The following RYR2 variants were observed in gnomAD, a reference collection of about 807,000 sequenced individuals.
RYR2 encodes the protein ryanodine receptor 2, also known as cardiac muscle ryanodine receptor-calcium release channel.
RYR2 carries 227 observed loss-of-function variants against 601.1 expected under a neutral mutation model. The observed-to-expected ratio is 0.38, with a 90% confidence interval of 0.34 to 0.42. RYR2 has a LOEUF of 0.42. RYR2 is among the 10% of genes least tolerant of loss of function. The pLI is 1.00. For missense variants in RYR2, 4,646 were observed against 6,156.5 expected (o/e 0.75, Z 8.21); for synonymous variants, 2,223 against 2,175.1 (o/e 1.02, Z -0.61).
chr1:237,336,339 CA>C (rs1038703262), intron 3 of RYR2, among the ~76,000 whole-genome samples: 3 of 152,078 alleles, frequency 2.0e-5, no homozygotes, highest in African/African-American at 7.2e-5. Context: ...GAAGACAATC[CA>C]AAACATGTCC....
chr1:237,767,935 A>C (rs1368136003), intron 84 of RYR2, among the ~76,000 whole-genome samples: 4 of 152,164 alleles, frequency 2.6e-5, no homozygotes, highest in Non-Finnish European at 5.9e-5. Flanking sequence ...TAATGTGGCC[A>C]GTCCTATGCT....
intron 1 of RYR2, among the ~76,000 whole-genome samples, chr1:237,087,724 C>G (rs1168593088): frequency 6.6e-6 from 1 of 152,200 alleles, no homozygotes; most frequent in Non-Finnish European, 1.5e-5. Flanking sequence ...CTCTTGGTGT[C>G]TGGGTGGCCA....
At position 237,101,954 on chromosome 1, in the gene RYR2, G is replaced by C. The variant is rs75182447; in HGVS notation, c.48+59385G>C. On this transcript the variant is annotated intron_variant, in intron 1 of 104. Coordinates refer to ENST00000366574, the MANE Select transcript of RYR2 (RefSeq NM_001035.3). ...TTTAAAGTGTATTCGTAAAACGTGA[G>C]TTAATAATGTGGCATCAAATGAGTG... 5.1e-4 allele frequency among the ~76,000 whole-genome samples: 78 copies of C among 152,362 alleles called. No homozygotes were observed. The East Asian group carries it at 0.014, about 27-fold the overall frequency.
intron 63 of RYR2, among the ~76,000 whole-genome samples, chr1:237,693,222 T>C (rs1687105552): frequency 6.6e-6 from 1 of 151,812 alleles, no homozygotes; most frequent in Non-Finnish European, 1.5e-5. Flanking sequence ...TTTTTTTTTT[T>C]CTCTTATTCC....
In RYR2 at chr1:237,798,140, A is replaced by C. The variant is rs1483388809; in HGVS notation, c.14060A>C (p.Lys4687Thr). 1 of 1,612,444 alleles carries C rather than the reference A, an allele frequency of 6.2e-7. No homozygotes were observed. ...LDFSDAREKKKPKKDSSLSAV... is the reference protein window; with the variant it reads ...LDFSDAREKKTPKKDSSLSAV... ...TTCAGTGATGCCAGAGAAAAGAAGA[A>C]GCCAAAGAAAGACAGCTCCTTATCA... Residue 4687 changes from lysine (K) to threonine (T), a missense_variant, in exon 97 of 105, where the codon AAG (lysine) becomes ACG (threonine). By Grantham distance (78) the Lys-to-Thr change is moderately conservative. This residue lies in a region of RYR2 where 76 missense variants were observed against 97.4 expected (regional missense o/e 0.78). Transcript: ENST00000366574.
intron 54 of RYR2, among the ~76,000 whole-genome samples, chr1:237,659,157 T>C (rs1683533208): frequency 6.6e-6 from 1 of 152,206 alleles, no homozygotes; most frequent in Admixed American, 6.5e-5. Context: ...GGAGATGTCA[T>C]GTTGAGTTTC....
intron 1 of RYR2, among the ~76,000 whole-genome samples, chr1:237,060,731 G>A (rs1452172216): frequency 6.6e-6 from 1 of 152,142 alleles, no homozygotes; most frequent in Non-Finnish European, 1.5e-5. Flanking sequence ...CATCCATGTT[G>A]TAGCTCCTGG....
intron 84 of RYR2, among the ~76,000 whole-genome samples, chr1:237,768,045 C>A (rs952959426): frequency 5.9e-5 from 9 of 152,086 alleles, no homozygotes; most frequent in African/African-American, 1.4e-4. Flanking sequence ...TCCTAATTCA[C>A]CAATTGTAGG....
At chr1:237,313,554 C>T (rs1010297834) in intron 2 of RYR2, among the ~76,000 whole-genome samples, 1 of 152,162 alleles carries the variant, frequency 6.6e-6, no homozygotes, top group Non-Finnish European at 1.5e-5. Context: ...AACAGATTCT[C>T]CCTGGCGAGC....
chr1:237,072,957 A>C (rs556233500), intron 1 of RYR2, among the ~76,000 whole-genome samples: 33 of 151,244 alleles, frequency 2.2e-4, no homozygotes, highest in African/African-American at 7.8e-4. Flanking sequence ...CAAAAAAAAA[A>C]AAAAAAACAA....
intron 24 of RYR2, among the ~76,000 whole-genome samples, chr1:237,516,724 C>T (rs1005178968): frequency 6.6e-6 from 1 of 152,196 alleles, no homozygotes; most frequent in Non-Finnish European, 1.5e-5. Context: ...CCAGGCTATT[C>T]ATCCTGCTAC....
At chr1:237,179,075 TATA>T (rs1340263661) in intron 1 of RYR2, among the ~76,000 whole-genome samples, 4 of 152,210 alleles carry the variant, frequency 2.6e-5, no homozygotes, top group Non-Finnish European at 5.9e-5. Flanking sequence ...TAATAGCTCT[TATA>T]ATAAATGTGA....
chr1:237,408,407 A>ATATATATATATATATATAT (rs56317247), intron 10 of RYR2, among the ~76,000 whole-genome samples: 7,976 of 132,130 alleles, frequency 0.06, 710 homozygotes, highest in African/African-American at 0.11. Flanking sequence ...TATATATATA[A>ATATATATATATATATATAT]ATGGATATCC....
At chr1:237,130,192 CGTT>C (rs748372396) in intron 1 of RYR2, among the ~76,000 whole-genome samples, 2 of 152,212 alleles carry the variant, frequency 1.3e-5, no homozygotes, top group South Asian at 4.2e-4. Flanking sequence ...CAAAACATCA[CGTT>C]GTACACAGCA....
At chr1:237,568,646 CTG>C (rs1424602156) in intron 28 of RYR2, among the ~76,000 whole-genome samples, 9 of 152,086 alleles carry the variant, frequency 5.9e-5, no homozygotes, top group Admixed American at 2.6e-4. Flanking sequence ...GTTAAAGTAT[CTG>C]TGCCATCGGT....
intron 10 of RYR2, among the ~76,000 whole-genome samples, chr1:237,407,630 A>G (rs890304623): frequency 5.2e-5 from 5 of 95,650 alleles, no homozygotes; most frequent in Non-Finnish European, 8.6e-5. Flanking sequence ...TTTTTTTTTT[A>G]AATTGAGACG....
At chr1:237,324,639 C>T (rs929554308) in intron 2 of RYR2, among the ~76,000 whole-genome samples, 8 of 152,094 alleles carry the variant, frequency 5.3e-5, no homozygotes, top group South Asian at 2.1e-4. Context: ...TTTCTTCTTT[C>T]GATCTCTTTG....
chr1:237,725,191 G>A (rs1183920671), intron 74 of RYR2, among the ~76,000 whole-genome samples: 1 of 152,062 alleles, frequency 6.6e-6, no homozygotes, highest in Non-Finnish European at 1.5e-5. Context: ...TCTTAAGGTA[G>A]GAATTATCTA....
At position 237,456,449 on chromosome 1, in the gene RYR2, TG is replaced by T. The variant is rs1210029824; in HGVS notation, c.1477-150del. 5.8e-5 allele frequency: 44 copies of T among 762,146 alleles called. No homozygotes were observed. The Admixed American group carries it at 1.5e-3, about 27-fold the overall frequency. The allele number at this position is 762,146 out of a possible 1,614,324, so 47.2% of individuals were successfully genotyped here. On this transcript the variant is annotated intron_variant, in intron 15 of 104. Transcript: ENST00000366574. ...TTTCACATGCAAATGTGTGTCTTCC[TG>T]TCCTTTGAATGATCACAGTTTTCTT...
Sources: gnomAD v4.1 joint callset for allele counts (sites outside exome capture counted in the v4.1 genomes callset) on GRCh38, gnomAD v4.1.1 for gene constraint, gnomAD v4.1.1 regional missense constraint, MANE v1.5 for transcripts, NCBI Gene and HGNC (gene_info 2026-07-23, HGNC 2026-07-21) for gene names.